Variants in GALNT13 observed in about 807,000 individuals in gnomAD.
GALNT13 encodes the protein UDP-GalNAc:polypeptide N-acetylgalactosaminyltransferase 13.
GALNT13 carries 28 observed loss-of-function variants against 64.2 expected under a neutral mutation model. That is an observed-to-expected ratio of 0.44 (90% CI 0.32 to 0.60). The LOEUF (loss-of-function observed/expected upper bound fraction) is 0.60, where lower values mean the gene tolerates loss of function less well. Among genes scored for constraint, GALNT13 ranks in the 20% least tolerant of loss-of-function variants. GALNT13 has a pLI of 0.05. For synonymous variants in GALNT13, 214 were observed against 224.6 expected (o/e 0.95, Z 0.42); for missense variants, 577 against 669.8 (o/e 0.86, Z 1.53).
the GALNT13 span, among the ~76,000 whole-genome samples, chr2:153,163,503 G>A: frequency 1.3e-5 from 2 of 152,108 alleles, no homozygotes; most frequent in East Asian, 1.9e-4. Flanking sequence ...CATCTGCACT[G>A]GTGAATCTAG....
the GALNT13 span, among the ~76,000 whole-genome samples, chr2:153,773,160 G>T: frequency 6.6e-6 from 1 of 152,336 alleles, no homozygotes; most frequent in Admixed American, 6.5e-5. Flanking sequence ...TTTGATATTT[G>T]TAATTGGACA....
the GALNT13 span, among the ~76,000 whole-genome samples, chr2:153,860,733 C>A: frequency 6.6e-6 from 1 of 152,086 alleles, no homozygotes; most frequent in African/African-American, 2.4e-5. Flanking sequence ...GGGAGGCACT[C>A]CATTCTATCT....
At chr2:154,393,729 G>C (rs189899652) in intron 9 of GALNT13, among the ~76,000 whole-genome samples, 2 of 152,258 alleles carry the variant, frequency 1.3e-5, no homozygotes, top group Non-Finnish European at 2.9e-5. Context: ...TTCCCCATTA[G>C]CCACTTTTTG....
chr2:153,930,621 G>T (rs1690450381), intron 2 of GALNT13, among the ~76,000 whole-genome samples: 1 of 152,078 alleles, frequency 6.6e-6, no homozygotes, highest in Admixed American at 6.6e-5. Flanking sequence ...TTGAAGATCA[G>T]ATGGCTGTAA....
the GALNT13 span, among the ~76,000 whole-genome samples, chr2:153,561,751 T>G: frequency 1.3e-5 from 2 of 152,038 alleles, no homozygotes; most frequent in East Asian, 3.9e-4. Flanking sequence ...TACATTTGTT[T>G]TGTTATAGAC....
At chr2:154,154,035 G>T (rs1051105096) in intron 4 of GALNT13, among the ~76,000 whole-genome samples, 1 of 152,174 alleles carries the variant, frequency 6.6e-6, no homozygotes, top group Non-Finnish European at 1.5e-5. Context: ...GCTCACGCTG[G>T]GAGCTGTAGA....
the GALNT13 span, among the ~76,000 whole-genome samples, chr2:153,383,533 A>G: frequency 6.6e-6 from 1 of 152,102 alleles, no homozygotes; most frequent in African/African-American, 2.4e-5. Flanking sequence ...CCTAAACAGC[A>G]TCTTGGTAGA....
chr2:153,977,276 T>A (rs1296901267), intron 3 of GALNT13, among the ~76,000 whole-genome samples: 2 of 152,226 alleles, frequency 1.3e-5, no homozygotes, highest in Admixed American at 1.3e-4. Context: ...ATGCTACTTG[T>A]ATTAGTATGT....
Position 154,438,594 on chromosome 2 carries a change from A to G in GALNT13, c.1398A>G (p.Val466=), listed in dbSNP as rs374692024. The change falls in exon 12 of 13, where the codon GTA becomes GTG. Residue 466 remains valine (V), a splice_region_variant and synonymous_variant. Transcript: ENST00000392825. The stretch of plus-strand genomic sequence containing the variant: ...ATTAGCTGAATTTATATTTTCAGGT[A>G]TTTTCTTACACTGCTGACAAAGAAA... ...FNCHGMGGNQ[V]FSYTADKEIR... 1 of 1,607,908 alleles carries G rather than the reference A, an allele frequency of 6.2e-7. No individual in the cohort carries two copies. Among genetic ancestry groups the G allele is most frequent in the Non-Finnish European group, 8.5e-7 (1 of 1,175,948 alleles).
rs546613984 is a variant in GALNT13, at chr2:154,072,282, CAT to C, written c.143-68054_143-68053del. Among the ~76,000 whole-genome samples the C allele has an allele frequency of 3.3e-5, 5 of 152,164 alleles. 1 individual carries two copies. The South Asian group carries it at 1.0e-3, about 32-fold the overall frequency. On this transcript the variant is annotated intron_variant, in intron 3 of 12. Coordinates refer to ENST00000392825, the MANE Select transcript of GALNT13 (RefSeq NM_052917.4). ...TTCTGGACTAGTGCTACATGGCCCACATGTTTCAAAGAGTGATAGCATGAACA... is the reference window on the plus strand; with the variant it reads ...TTCTGGACTAGTGCTACATGGCCCACGTTTCAAAGAGTGATAGCATGAACA...
the GALNT13 span, chr2:153,420,721 A>G: frequency 8.7e-6 from 2 of 228,642 alleles, no homozygotes; most frequent in South Asian, 7.8e-5. Flanking sequence ...ACCTCCTCAT[A>G]ATCTTTTTCA....
the GALNT13 span, among the ~76,000 whole-genome samples, chr2:153,118,145 A>ACACCCC: frequency 2.0e-4 from 29 of 147,470 alleles, no homozygotes; most frequent in East Asian, 7.9e-4. Context: ...ACACACACAC[A>ACACCCC]CCCCACATAA....
chr2:154,428,158 A>G (rs1164561772), intron 11 of GALNT13, among the ~76,000 whole-genome samples: 1 of 152,154 alleles, frequency 6.6e-6, no homozygotes, highest in Non-Finnish European at 1.5e-5. Flanking sequence ...CAGAGGATGC[A>G]AAGGTCCACA....
At chr2:154,189,472 CAAAAAAAAAAAAA>C (rs35557058) in intron 4 of GALNT13, among the ~76,000 whole-genome samples, 4 of 81,412 alleles carry the variant, frequency 4.9e-5, no homozygotes. Context: ...ACGTGCACAC[CAAAAAAAAAAAAA>C]AAAAAAAAAG....
At chr2:153,273,947 G>T in the GALNT13 span, among the ~76,000 whole-genome samples, 5 of 152,046 alleles carry the variant, frequency 3.3e-5, no homozygotes, top group Admixed American at 1.3e-4. Context: ...ATTTATTTTT[G>T]ATTGTTTATC....
intron 3 of GALNT13, among the ~76,000 whole-genome samples, chr2:154,121,150 A>G (rs1681919556): frequency 1.3e-5 from 2 of 152,318 alleles, no homozygotes; most frequent in Admixed American, 6.5e-5. Flanking sequence ...TTACCCTTCT[A>G]AGTCAGATTT....
At chr2:153,912,235 GT>G (rs373843501) in intron 2 of GALNT13, among the ~76,000 whole-genome samples, 31 of 151,616 alleles carry the variant, frequency 2.0e-4, no homozygotes, top group Non-Finnish European at 4.1e-4. Context: ...TTCTTGTAGT[GT>G]TTTTTTCAGC....
At chr2:154,442,154 AT>A (rs1010483577) in intron 12 of GALNT13, among the ~76,000 whole-genome samples, 1 of 152,102 alleles carries the variant, frequency 6.6e-6, no homozygotes, top group African/African-American at 2.4e-5. Flanking sequence ...AAAATTTCTC[AT>A]TTTTTTAATA....
chr2:153,192,165 T>C, the GALNT13 span, among the ~76,000 whole-genome samples: 1 of 152,034 alleles, frequency 6.6e-6, no homozygotes, highest in African/African-American at 2.4e-5. Context: ...ACTTTTTTGA[T>C]GTGGGCATTT....
Sources: allele counts gnomAD v4.1 joint callset (sites outside exome capture counted in the v4.1 genomes callset), GRCh38; gene constraint gnomAD v4.1.1; transcripts MANE v1.5; gene names NCBI Gene and HGNC (gene_info 2026-07-23, HGNC 2026-07-21).